KCTD14: variants seen among roughly 807,000 people sequenced by gnomAD.
KCTD14 encodes the protein potassium channel tetramerization domain containing 14.
In KCTD14, 7 loss-of-function variants were observed where a neutral mutation model predicts 5.9. The ratio of observed to expected loss-of-function variants is 1.19; its 90% confidence interval spans 0.68 to 2.23. KCTD14 has a LOEUF of 2.23. Among genes scored for constraint, KCTD14 ranks in the 30% most tolerant of loss-of-function variants. The pLI is 0.00. For missense variants in KCTD14, 342 were observed against 332.2 expected (o/e 1.03, Z -0.23); for synonymous variants, 140 against 133.1 (o/e 1.05, Z -0.36).
chr11:78,016,913 C>G lies in KCTD14; in HGVS notation c.448G>C (p.Glu150Gln). ...LQVPGYSENL[E>Q]LMVRLARAEA... ...GCACGTGCCAGGCGCACCATGAGCT[C>G]CAGGTTCTCGCTGTAGCCCGGCACT... is the stretch of plus-strand genomic sequence containing the variant. The change falls in exon 2 of 2, where the codon GAG (glutamate) becomes CAG (glutamine). Residue 150 changes from glutamate (E) to glutamine (Q), a missense_variant. Transcript: ENST00000353172. 3 of 1,614,226 alleles carry G rather than the reference C, an allele frequency of 1.9e-6. No homozygotes were observed. Among genetic ancestry groups the G allele is most frequent in the Non-Finnish European group, 2.5e-6 (3 of 1,180,028 alleles).
intron 2 of KCTD14, among the ~76,000 whole-genome samples, chr11:78,032,193 CCA>C (rs1483209674): frequency 6.6e-6 from 1 of 152,218 alleles, no homozygotes; most frequent in East Asian, 1.9e-4. Context: ...TCAAACCACT[CCA>C]CTTGATTGGG....
intron 1 of KCTD14, among the ~76,000 whole-genome samples, chr11:78,039,088 C>CA (rs925967233): frequency 7.1e-6 from 1 of 140,606 alleles, no homozygotes; most frequent in Admixed American, 7.1e-5. Context: ...AAAAAAAACA[C>CA]AAAAAAACAG....
intron 2 of KCTD14, among the ~76,000 whole-genome samples, chr11:78,033,410 G>A (rs1326671446): frequency 2.0e-5 from 3 of 152,078 alleles, no homozygotes; most frequent in East Asian, 1.9e-4. Flanking sequence ...GGCAGGGCAC[G>A]GTGGCTCACG....
At chr11:78,023,462 C>G (rs964924709), upstream of KCTD14, 47 of 552,338 alleles carry the variant, frequency 8.5e-5, no homozygotes, top group South Asian at 1.0e-3. Context: ...GGAGCAGACC[C>G]CTTAAGGACT....
rs900574737 is a variant in KCTD14, at chr11:78,029,926, C to T, written c.-1+8738G>A. On this transcript the variant is annotated intron_variant, in intron 2 of 2. Coordinates refer to the KCTD14 transcript ENST00000533144. ...CCTCCCAAGTAGCTGGGACTACAGG[C>T]GCCCACCACCACGCCTGGCTAATTT... Among the ~76,000 whole-genome samples, 6 of 151,970 alleles carry T rather than the reference C, an allele frequency of 3.9e-5. No individual in the cohort carries two copies. The East Asian group carries it at 7.7e-4, about 20-fold the overall frequency.
At chr11:78,033,914 T>C (rs1013973411) in intron 2 of KCTD14, among the ~76,000 whole-genome samples, 1 of 145,194 alleles carries the variant, frequency 6.9e-6, no homozygotes, top group East Asian at 2.0e-4. Context: ...TATATATATA[T>C]ACACACATTA....
At chr11:78,030,554 A>T (rs1189061088) in intron 2 of KCTD14, among the ~76,000 whole-genome samples, 5 of 152,188 alleles carry the variant, frequency 3.3e-5, no homozygotes, top group Admixed American at 3.3e-4. Flanking sequence ...GCTATTGCCT[A>T]TCACTGGATC....
At chr11:78,035,844 C>CAA (rs559820760) in intron 2 of KCTD14, among the ~76,000 whole-genome samples, 2,889 of 79,248 alleles carry the variant, frequency 0.036, 109 homozygotes, top group African/African-American at 0.053. Context: ...GACTCCATCT[C>CAA]AAAAAAAAAA....
At chr11:78,040,828 C>A (rs1439662059) in intron 1 of KCTD14, among the ~76,000 whole-genome samples, 1 of 152,114 alleles carries the variant, frequency 6.6e-6, no homozygotes, top group East Asian at 1.9e-4. Context: ...CATCACCACG[C>A]CCGGCTGATT....
chr11:78,019,444 G>A (rs1857256593), intron 1 of KCTD14, among the ~76,000 whole-genome samples: 1 of 152,006 alleles, frequency 6.6e-6, no homozygotes, highest in South Asian at 2.1e-4. Flanking sequence ...AGCCTCCCAA[G>A]TAGATGGGAC....
intron 2 of KCTD14, among the ~76,000 whole-genome samples, chr11:78,030,515 T>C (rs1034762437): frequency 3.3e-5 from 5 of 152,240 alleles, no homozygotes; most frequent in Non-Finnish European, 7.3e-5. Flanking sequence ...CTTGATGCTA[T>C]GGCAACAAAA....
At position 78,015,986 on chromosome 11, in the gene KCTD14, C is replaced by T. The variant is rs547564237; in HGVS notation, c.*607G>A. ...TTGGAGGGTTTGGTAAATCAGAATG[C>T]TGTGCCAACCCCCAGAGATTCTGAT... On this transcript the variant is annotated 3_prime_UTR_variant, in exon 2 of 2. Coordinates refer to ENST00000353172, the MANE Select transcript of KCTD14 (RefSeq NM_023930.4). 6.6e-6 allele frequency: 1 copy of T among 152,500 alleles called. No homozygotes were observed. Among genetic ancestry groups the T allele is most frequent in the African/African-American group, 2.4e-5 (1 of 41,576 alleles). 9.4% of individuals were successfully genotyped at this position (152,500 alleles called of 1,614,324 possible). A position where few individuals can be genotyped will look rare whatever the true frequency, so the allele number is the denominator to read the frequency against.
At chr11:78,029,302 A>T (rs145884890) in intron 2 of KCTD14, among the ~76,000 whole-genome samples, 1 of 152,106 alleles carries the variant, frequency 6.6e-6, no homozygotes, top group African/African-American at 2.4e-5. Context: ...ACACCTGCTA[A>T]GATTTGGGTG....
intron 2 of KCTD14, among the ~76,000 whole-genome samples, chr11:78,032,272 C>T (rs1214969683): frequency 1.3e-5 from 2 of 152,232 alleles, no homozygotes; most frequent in Non-Finnish European, 2.9e-5. Flanking sequence ...AGGTTAGAAC[C>T]TGCTCAGTTT....
intron 2 of KCTD14, among the ~76,000 whole-genome samples, chr11:78,028,413 G>T (rs2136728033): frequency 6.6e-6 from 1 of 152,190 alleles, no homozygotes; most frequent in East Asian, 1.9e-4. Flanking sequence ...TACCAGCCTG[G>T]CCAGCATAGT....
chr11:78,017,351 A>AT, intron 1 of KCTD14, 81 bp from the exon 2 acceptor site: 1 of 1,477,376 alleles, frequency 6.8e-7, no homozygotes, highest in Non-Finnish European at 9.0e-7. Flanking sequence ...GGATAACTGG[A>AT]TAAAAAACTT....
intron 2 of KCTD14, among the ~76,000 whole-genome samples, chr11:78,032,954 T>C (rs1857670713): frequency 6.6e-6 from 1 of 152,106 alleles, no homozygotes; most frequent in African/African-American, 2.4e-5. Context: ...AGTGCTCAGA[T>C]TACAGGCCTA....
At chr11:78,035,820 G>C (rs1362556234) in intron 2 of KCTD14, among the ~76,000 whole-genome samples, 1 of 126,564 alleles carries the variant, frequency 7.9e-6, no homozygotes, top group Non-Finnish European at 1.6e-5. Context: ...ACTCTAGCCT[G>C]GGCAACAGAG....
intron 1 of KCTD14, chr11:78,038,790 A>C (rs1210658539): frequency 2.0e-6 from 3 of 1,534,510 alleles, no homozygotes; most frequent in African/African-American, 2.7e-5. Context: ...TTAGAAGACT[A>C]TCAGTGTTCA....
Sources: allele counts gnomAD v4.1 joint callset (sites outside exome capture counted in the v4.1 genomes callset), GRCh38; gene constraint gnomAD v4.1.1; transcripts MANE v1.5; gene names NCBI Gene and HGNC (gene_info 2026-07-23, HGNC 2026-07-21).